The following ZNF804B variants were observed in gnomAD, a reference collection of about 807,000 sequenced individuals.
ZNF804B encodes zinc finger 804B.
In ZNF804B, 80 loss-of-function variants were observed where a neutral mutation model predicts 101.4. That is an observed-to-expected ratio of 0.79 (90% confidence interval 0.66 to 0.95). The LOEUF (loss-of-function observed/expected upper bound fraction) is 0.95, where lower values mean the gene tolerates loss of function less well. Among genes scored for constraint, ZNF804B ranks in the 40% least tolerant of loss-of-function variants. The probability of loss-of-function intolerance (pLI) is 0.00; values close to 1 mark genes in which losing one functional copy is unlikely to be tolerated. For synonymous variants in ZNF804B, 622 were observed against 558.8 expected (o/e 1.11, Z -1.59); for missense variants, 1,673 against 1,561.9 (o/e 1.07, Z -1.20).
intron 2 of ZNF804B, among the ~76,000 whole-genome samples, chr7:89,219,046 A>C (rs1788940221): frequency 6.6e-6 from 1 of 152,148 alleles, no homozygotes; most frequent in African/African-American, 2.4e-5. Context: ...AAAGTTACTT[A>C]ACTAGTTAGT....
chr7:88,832,964 C>T (rs777091233), intron 1 of ZNF804B, among the ~76,000 whole-genome samples: 14 of 151,894 alleles, frequency 9.2e-5, no homozygotes, highest in Non-Finnish European at 1.9e-4. Context: ...GCTGGACCAT[C>T]GATTTGAAAA....
At chr7:88,830,444 C>A (rs551380409) in intron 1 of ZNF804B, among the ~76,000 whole-genome samples, 1 of 151,856 alleles carries the variant, frequency 6.6e-6, no homozygotes, top group Admixed American at 6.6e-5. Flanking sequence ...CTTTTGAAAC[C>A]CGTGTTTTTC....
intron 1 of ZNF804B, among the ~76,000 whole-genome samples, chr7:89,080,600 T>G (rs995482682): frequency 7.2e-5 from 11 of 151,908 alleles, no homozygotes; most frequent in Non-Finnish European, 1.5e-4. Flanking sequence ...TAATTGAGCC[T>G]TTTATCCATG....
At chr7:88,939,296 T>A (rs1322716843) in intron 1 of ZNF804B, among the ~76,000 whole-genome samples, 1 of 151,968 alleles carries the variant, frequency 6.6e-6, no homozygotes, top group African/African-American at 2.4e-5. Context: ...CAAATATAAA[T>A]ATTATATAAA....
intron 1 of ZNF804B, among the ~76,000 whole-genome samples, chr7:88,937,316 A>G (rs1341747214): frequency 2.0e-5 from 3 of 152,062 alleles, no homozygotes; most frequent in African/African-American, 7.2e-5. Context: ...TTATAGATAA[A>G]GAAATACTTC....
intron 1 of ZNF804B, among the ~76,000 whole-genome samples, chr7:89,095,433 G>T (rs2116331010): frequency 6.6e-6 from 1 of 152,266 alleles, no homozygotes. Context: ...CTAAGACAGT[G>T]TTGTATTTTA....
At chr7:89,049,110 C>T (rs1340985734) in intron 1 of ZNF804B, among the ~76,000 whole-genome samples, 1 of 150,316 alleles carries the variant, frequency 6.7e-6, no homozygotes, top group East Asian at 1.9e-4. Context: ...ATATCATTAA[C>T]AATCATATTA....
At chr7:88,900,830 G>T (rs1187211549) in intron 1 of ZNF804B, among the ~76,000 whole-genome samples, 2 of 151,042 alleles carry the variant, frequency 1.3e-5, no homozygotes, top group African/African-American at 4.8e-5. Context: ...TTGTGTTATT[G>T]AATTGACCCA....
chr7:89,190,853 T>G (rs1303099774), intron 1 of ZNF804B, among the ~76,000 whole-genome samples: 1 of 152,160 alleles, frequency 6.6e-6, no homozygotes, highest in Non-Finnish European at 1.5e-5. Context: ...ATTGTTAGCA[T>G]TTTTTAGCAA....
chr7:89,061,961 T>A (rs2116283110), intron 1 of ZNF804B, among the ~76,000 whole-genome samples: 1 of 152,172 alleles, frequency 6.6e-6, no homozygotes, highest in African/African-American at 2.4e-5. Context: ...CCTTCAAACA[T>A]TCATCACTCC....
chr7:89,075,316 G>A (rs1789600064), intron 1 of ZNF804B, among the ~76,000 whole-genome samples: 1 of 152,138 alleles, frequency 6.6e-6, no homozygotes, highest in African/African-American at 2.4e-5. Flanking sequence ...TGGTTTCATA[G>A]GCCAGGCCCT....
chr7:88,875,513 C>A (rs1791917172), intron 1 of ZNF804B, among the ~76,000 whole-genome samples: 1 of 152,098 alleles, frequency 6.6e-6, no homozygotes, highest in Non-Finnish European at 1.5e-5. Context: ...AAACTACCAT[C>A]AGAGAATACT....
At chr7:89,123,115 C>T (rs1015547816) in intron 1 of ZNF804B, among the ~76,000 whole-genome samples, 2 of 150,932 alleles carry the variant, frequency 1.3e-5, no homozygotes, top group Non-Finnish European at 2.9e-5. Flanking sequence ...ATGTAAACTC[C>T]TAGAATATGT....
chr7:89,069,539 CAT>C (rs1032249991), intron 1 of ZNF804B, among the ~76,000 whole-genome samples: 6 of 151,854 alleles, frequency 4.0e-5, no homozygotes, highest in Admixed American at 1.3e-4. Flanking sequence ...AATTATATCA[CAT>C]AAAAATTTTG....
chr7:88,848,242 A>G (rs975108237), intron 1 of ZNF804B, among the ~76,000 whole-genome samples: 1 of 152,226 alleles, frequency 6.6e-6, no homozygotes, highest in Admixed American at 6.5e-5. Context: ...GGGTTAGAGC[A>G]TGAAAGCTTA....
At chr7:89,134,609 G>A (rs1790602781) in intron 1 of ZNF804B, among the ~76,000 whole-genome samples, 1 of 151,994 alleles carries the variant, frequency 6.6e-6, no homozygotes, top group Non-Finnish European at 1.5e-5. Context: ...CTTTCCCACA[G>A]CGTTCCTGCT....
chr7:89,013,025 C>T (rs536578950), intron 1 of ZNF804B, among the ~76,000 whole-genome samples: 8 of 152,086 alleles, frequency 5.3e-5, no homozygotes, highest in Non-Finnish European at 4.4e-5. Context: ...AAATGCCAGA[C>T]ACTTATAAAA....
At chr7:89,016,695 A>G (rs1232249588) in intron 1 of ZNF804B, among the ~76,000 whole-genome samples, 6 of 151,986 alleles carry the variant, frequency 3.9e-5, no homozygotes, top group Non-Finnish European at 8.8e-5. Flanking sequence ...CCATTGATTT[A>G]TATGTCTGTT....
intron 2 of ZNF804B, among the ~76,000 whole-genome samples, chr7:89,305,810 G>C (rs1562941601): frequency 6.6e-6 from 1 of 151,672 alleles, no homozygotes; most frequent in Non-Finnish European, 1.5e-5. Context: ...TTTATTTGAA[G>C]ATCCAATGAC....
Sources: gnomAD v4.1 joint callset for allele counts (sites outside exome capture counted in the v4.1 genomes callset) on GRCh38, gnomAD v4.1.1 for gene constraint, MANE v1.5 for transcripts, NCBI Gene and HGNC (gene_info 2026-07-23, HGNC 2026-07-21) for gene names.